The following WDR45B variants were observed in gnomAD, a reference collection of about 807,000 sequenced individuals.
WDR45B encodes the protein WD repeat domain phosphoinositide-interacting protein 3.
Under a neutral mutation model 44.6 loss-of-function variants are expected in WDR45B, and 20 were observed. The ratio of observed to expected loss-of-function variants is 0.45; its 90% CI spans 0.32 to 0.65. WDR45B has a LOEUF of 0.65. Among genes scored for constraint, WDR45B ranks in the 30% least tolerant of loss-of-function variants. The pLI, the probability that WDR45B is intolerant of heterozygous loss-of-function variation, is 0.05. For missense variants in WDR45B, 323 were observed against 430.2 expected (o/e 0.75, Z 2.20); for synonymous variants, 169 against 164.9 (o/e 1.02, Z -0.19).
intron 7 of WDR45B, among the ~76,000 whole-genome samples, chr17:82,618,079 G>A (rs1346773590): frequency 2.0e-5 from 3 of 151,982 alleles, no homozygotes; most frequent in Non-Finnish European, 4.4e-5. Flanking sequence ...ACAGGCACAC[G>A]CCACCACGCC....
chr17:82,637,901 T>C (rs1446704499), intron 2 of WDR45B, among the ~76,000 whole-genome samples: 2 of 151,196 alleles, frequency 1.3e-5, no homozygotes, highest in African/African-American at 2.4e-5. Context: ...GGTGGGGGTG[T>C]GGTGGTTAAT....
chr17:82,623,139 C>T (rs2045641735), intron 5 of WDR45B, among the ~76,000 whole-genome samples: 1 of 152,200 alleles, frequency 6.6e-6, no homozygotes, highest in Non-Finnish European at 1.5e-5. Flanking sequence ...CGCCTGTAAT[C>T]CCAGCACTTT....
intron 2 of WDR45B, among the ~76,000 whole-genome samples, chr17:82,635,986 T>C (rs762438496): frequency 5.9e-5 from 9 of 151,618 alleles, no homozygotes; most frequent in Non-Finnish European, 1.3e-4. Context: ...ACTCGAGAAG[T>C]TGGGGCAGGA....
intron 2 of WDR45B, among the ~76,000 whole-genome samples, chr17:82,642,527 G>C (rs540922163): frequency 9.9e-5 from 15 of 152,206 alleles, no homozygotes; most frequent in Non-Finnish European, 2.1e-4. Flanking sequence ...CACATTAATT[G>C]AATCCAAGGA....
intron 5 of WDR45B, among the ~76,000 whole-genome samples, chr17:82,624,518 C>CT (rs772302069): frequency 2.6e-5 from 4 of 152,286 alleles, no homozygotes; most frequent in South Asian, 2.1e-4. Context: ...CCTTGGCCTC[C>CT]TAAAGTGCTG....
At chr17:82,632,472 C>T (rs2045780083) in intron 2 of WDR45B, among the ~76,000 whole-genome samples, 2 of 152,196 alleles carry the variant, frequency 1.3e-5, no homozygotes, top group Admixed American at 6.5e-5. Flanking sequence ...CTGAAATGCT[C>T]CCAACTGTTC....
intron 6 of WDR45B, among the ~76,000 whole-genome samples, chr17:82,619,748 T>G (rs1432672661): frequency 1.3e-5 from 2 of 152,094 alleles, no homozygotes; most frequent in Non-Finnish European, 2.9e-5. Context: ...TCTGACAACA[T>G]CCAACAAAAA....
chr17:82,647,577 A>C (rs932072142), intron 1 of WDR45B, among the ~76,000 whole-genome samples: 2 of 152,182 alleles, frequency 1.3e-5, no homozygotes, highest in African/African-American at 4.8e-5. Context: ...GACATGGGAA[A>C]AGAAGTAAGA....
intron 2 of WDR45B, among the ~76,000 whole-genome samples, chr17:82,643,347 C>T (rs954373003): frequency 6.6e-6 from 1 of 151,938 alleles, no homozygotes; most frequent in Non-Finnish European, 1.5e-5. Flanking sequence ...GCAGGAGAAC[C>T]GCTTGAACCC....
chr17:82,647,417 G>A (rs2045992680), intron 1 of WDR45B, among the ~76,000 whole-genome samples: 1 of 152,136 alleles, frequency 6.6e-6, no homozygotes, highest in Non-Finnish European at 1.5e-5. Context: ...AGGTGAGGAG[G>A]CAACCATCCG....
intron 2 of WDR45B, among the ~76,000 whole-genome samples, chr17:82,642,175 T>C (rs1380414615): frequency 6.6e-6 from 1 of 152,102 alleles, no homozygotes; most frequent in Non-Finnish European, 1.5e-5. Flanking sequence ...GGGGCAGTAC[T>C]GGTCCGTGGC....
At chr17:82,621,184 G>A (rs1014955335) in intron 6 of WDR45B, among the ~76,000 whole-genome samples, 2 of 151,884 alleles carry the variant, frequency 1.3e-5, no homozygotes, top group African/African-American at 4.8e-5. Context: ...CTTCCGAGTA[G>A]CTGGGATTAC....
intron 6 of WDR45B, 135 bp from the exon 7 acceptor site, chr17:82,619,263 C>G: frequency 1.2e-6 from 1 of 832,768 alleles, no homozygotes; most frequent in Non-Finnish European, 2.0e-6. Context: ...TACTACTTAA[C>G]TTTCTCCTCC....
At chr17:82,645,863 C>T in intron 1 of WDR45B, among the ~76,000 whole-genome samples, 1 of 152,180 alleles carries the variant, frequency 6.6e-6, no homozygotes, top group Non-Finnish European at 1.5e-5. Flanking sequence ...TGGCTCACAC[C>T]TGTAATCCCA....
intron 2 of WDR45B, among the ~76,000 whole-genome samples, chr17:82,634,627 A>G (rs2045811436): frequency 1.3e-5 from 2 of 152,074 alleles, no homozygotes; most frequent in Admixed American, 6.6e-5. Context: ...TCACAATAGC[A>G]AAGATGCAGA....
intron 3 of WDR45B, 105 bp downstream of exon 3, chr17:82,630,816 C>A: frequency 8.6e-6 from 10 of 1,159,768 alleles, no homozygotes; most frequent in Non-Finnish European, 1.2e-5. Flanking sequence ...GGATATTTCA[C>A]AGAACTACTA....
chr17:82,619,657 A>G (rs1234575646), intron 6 of WDR45B, among the ~76,000 whole-genome samples: 2 of 152,216 alleles, frequency 1.3e-5, no homozygotes, highest in Admixed American at 1.3e-4. Flanking sequence ...AGTTTTTAAC[A>G]TCTCCTCCAG....
intron 1 of WDR45B, 122 bp from the exon 2 acceptor site, chr17:82,644,145 G>A (rs990540445): frequency 5.7e-6 from 5 of 872,158 alleles, no homozygotes; most frequent in African/African-American, 3.3e-5. Flanking sequence ...AGACACGATA[G>A]GTGCTAAGTC....
chr17:82,619,965 A>G (rs2045591804), intron 6 of WDR45B, among the ~76,000 whole-genome samples: 1 of 152,246 alleles, frequency 6.6e-6, no homozygotes, highest in Admixed American at 6.5e-5. Flanking sequence ...GCAGAGAAGC[A>G]TCCACATTTG....
Sources: gnomAD v4.1 joint callset for allele counts (sites outside exome capture counted in the v4.1 genomes callset) on GRCh38, gnomAD v4.1.1 for gene constraint, MANE v1.5 for transcripts, NCBI Gene and HGNC (gene_info 2026-07-23, HGNC 2026-07-21) for gene names.